RSPH14: variants seen among roughly 807,000 people sequenced by gnomAD.
RSPH14 encodes the protein radial spoke head 14 homolog, also known as rhabdoid tumor deletion region gene 1.
A neutral mutation model predicts 26.7 loss-of-function variants in RSPH14; 20 were observed. The ratio of observed to expected loss-of-function variants is 0.75; its 90% CI spans 0.53 to 1.09. The LOEUF is 1.09. Ranked by LOEUF, RSPH14 falls within the 50% of genes least tolerant of loss-of-function variation. The pLI is 0.00. For synonymous variants in RSPH14, 177 were observed against 189.3 expected (o/e 0.93, Z 0.53); for missense variants, 449 against 457.2 (o/e 0.98, Z 0.16).
At chr22:23,064,245 C>T (rs376770802) in intron 4 of RSPH14, 112 bp from the exon 5 acceptor site, 1 of 980,684 alleles carries the variant, frequency 1.0e-6, no homozygotes. Flanking sequence ...GTGGGTTTGA[C>T]AAAAGGACTT....
intron 4 of RSPH14, chr22:23,096,085 G>T: frequency 3.7e-6 from 6 of 1,609,394 alleles, no homozygotes; most frequent in Non-Finnish European, 5.1e-6. Context: ...TCATGCGACG[G>T]CTCTGGGCCG....
chr22:23,154,398 T>C, the RSPH14 span, among the ~76,000 whole-genome samples: 9 of 152,232 alleles, frequency 5.9e-5, no homozygotes, highest in African/African-American at 1.7e-4. Context: ...CTCTCAGGAC[T>C]TCCACAGCCC....
chr22:23,147,022 A>G (rs2070814632), upstream of RSPH14, among the ~76,000 whole-genome samples: 1 of 152,076 alleles, frequency 6.6e-6, no homozygotes, highest in African/African-American at 2.4e-5. Flanking sequence ...CATGAAGGTA[A>G]TTCCTCTCAT....
chr22:23,161,028 G>A, the RSPH14 span: 8 of 1,571,984 alleles, frequency 5.1e-6, no homozygotes, highest in Admixed American at 3.7e-5. Context: ...GGTTGGGCTG[G>A]GGAGTAGGCT....
chr22:23,111,758 G>A (rs543955452), intron 4 of RSPH14, among the ~76,000 whole-genome samples: 27 of 152,334 alleles, frequency 1.8e-4, no homozygotes, highest in South Asian at 8.3e-4. Context: ...CAGCAGGGTC[G>A]TGGGCAAGCG....
the RSPH14 span, chr22:23,161,383 G>C: frequency 1.0e-6 from 1 of 975,166 alleles, no homozygotes; most frequent in Non-Finnish European, 1.6e-6. Context: ...TTCAGGCCTT[G>C]AACAGCAGGC....
At chr22:23,130,496 A>AAAGAAAG (rs2070332846) in intron 4 of RSPH14, among the ~76,000 whole-genome samples, 1 of 110,692 alleles carries the variant, frequency 9.0e-6, no homozygotes, top group Admixed American at 9.6e-5. Context: ...GAAGGAAAGA[A>AAAGAAAG]AAAGAAAGAA....
At chr22:23,086,270 G>A (rs762142843) in intron 4 of RSPH14, among the ~76,000 whole-genome samples, 15 of 152,238 alleles carry the variant, frequency 9.9e-5, no homozygotes, top group Non-Finnish European at 1.2e-4. Context: ...GGGAGCAGAG[G>A]CCTGCAGACT....
chr22:23,074,973 G>C (rs1399642270), intron 4 of RSPH14, among the ~76,000 whole-genome samples: 1 of 152,182 alleles, frequency 6.6e-6, no homozygotes, highest in South Asian at 2.1e-4. Context: ...TTTGAGACCA[G>C]CCTGAGCAAC....
chr22:23,123,585 G>A, intron 4 of RSPH14: 1 of 604,694 alleles, frequency 1.7e-6, no homozygotes, highest in East Asian at 2.7e-5. Context: ...CCACATTTCT[G>A]CAAACATAAA....
At chr22:23,124,497 T>A in intron 4 of RSPH14, 1 of 387,024 alleles carries the variant, frequency 2.6e-6, no homozygotes, top group Non-Finnish European at 5.5e-6. Flanking sequence ...GGTGGGGTTT[T>A]CTGCTTTGTT....
upstream of RSPH14, chr22:23,145,585 C>T (rs1381725754): frequency 2.5e-6 from 4 of 1,580,306 alleles, no homozygotes; most frequent in Non-Finnish European, 3.4e-6. Flanking sequence ...CCGACCCTCC[C>T]GGTCACCCAA....
intron 4 of RSPH14, among the ~76,000 whole-genome samples, chr22:23,064,725 C>G (rs1399368634): frequency 6.6e-6 from 1 of 152,184 alleles, no homozygotes; most frequent in Non-Finnish European, 1.5e-5. Flanking sequence ...GCCATAGGCT[C>G]TCGTCTTCAA....
At chr22:23,122,146 C>T (rs771017449) in intron 4 of RSPH14, among the ~76,000 whole-genome samples, 5 of 152,200 alleles carry the variant, frequency 3.3e-5, no homozygotes, top group African/African-American at 4.8e-5. Flanking sequence ...GCAGCAAATT[C>T]CAGGTAGTTA....
chr22:23,097,309 C>G (rs2087429362), intron 4 of RSPH14, among the ~76,000 whole-genome samples: 1 of 152,222 alleles, frequency 6.6e-6, no homozygotes, highest in African/African-American at 2.4e-5. Context: ...TTGCTTCACC[C>G]AGTCCTAAGG....
chr22:23,152,958 TGC>T, the RSPH14 span: 3 of 1,051,780 alleles, frequency 2.9e-6, no homozygotes, highest in East Asian at 7.1e-5. Flanking sequence ...CCTAAAGACT[TGC>T]AGTGTTACAA....
In RSPH14 at chr22:23,138,969, A is replaced by G. The variant is rs948691033; in HGVS notation, c.200-27T>C. On this transcript the variant is annotated intron_variant, in intron 2 of 6. Transcript: ENST00000216036. ...TAGAAAAAAAAAAAAAAACAAACAA[A>G]CCAACCCTTGAATTTTTGCCAGTCT... 3 of 1,509,690 alleles carry G rather than the reference A, an allele frequency of 2.0e-6. No homozygotes were observed. The African/African-American group carries it at 4.2e-5, about 21-fold the overall frequency. 93.5% of individuals were successfully genotyped at this position (1,509,690 alleles called of 1,614,324 possible).
At chr22:23,077,963 A>T in intron 4 of RSPH14, among the ~76,000 whole-genome samples, 1 of 152,154 alleles carries the variant, frequency 6.6e-6, no homozygotes, top group East Asian at 1.9e-4. Flanking sequence ...CTTGGCCCTC[A>T]TGCCTCCTCC....
chr22:23,115,953 G>A (rs999747555), intron 4 of RSPH14, among the ~76,000 whole-genome samples: 2 of 152,220 alleles, frequency 1.3e-5, no homozygotes, highest in East Asian at 1.9e-4. Context: ...AAGGCAGTGC[G>A]GTTGGCTGAG....
Sources: gnomAD v4.1 joint callset for allele counts (sites outside exome capture counted in the v4.1 genomes callset) on GRCh38, gnomAD v4.1.1 for gene constraint, MANE v1.5 for transcripts, NCBI Gene and HGNC (gene_info 2026-07-23, HGNC 2026-07-21) for gene names.